Variants in NTM observed in about 807,000 individuals in gnomAD.
NTM encodes neurotrimin, also known as IgLON family member 2.
A neutral mutation model predicts 42.1 loss-of-function variants in NTM; 13 were observed. That is an observed-to-expected ratio of 0.31 (90% CI 0.20 to 0.49). The LOEUF is 0.49. Among genes scored for constraint, NTM ranks in the 20% least tolerant of loss-of-function variants. The pLI is 0.99. For missense variants in NTM, 373 were observed against 452.8 expected (o/e 0.82, Z 1.60); for synonymous variants, 187 against 179.2 (o/e 1.04, Z -0.35).
intron 1 of NTM, among the ~76,000 whole-genome samples, chr11:131,674,088 G>A (rs977834890): frequency 1.3e-5 from 2 of 152,236 alleles, no homozygotes; most frequent in African/African-American, 2.4e-5. Context: ...TACACACACA[G>A]CGTAGGGTGA....
intron 4 of NTM, among the ~76,000 whole-genome samples, chr11:132,278,423 C>G (rs1565369389): frequency 6.6e-6 from 1 of 152,160 alleles, no homozygotes; most frequent in Non-Finnish European, 1.5e-5. Flanking sequence ...CTCTGCTAAT[C>G]CGTCAGCCAG....
chr11:131,389,547 GAACGTGTAA>G (rs1253565702), intron 1 of NTM, among the ~76,000 whole-genome samples: 5 of 152,220 alleles, frequency 3.3e-5, no homozygotes, highest in African/African-American at 1.2e-4. Flanking sequence ...GCCTCGGGAA[GAACGTGTAA>G]AACTATTTCC....
chr11:131,904,764 A>T (rs957788694), intron 1 of NTM, among the ~76,000 whole-genome samples: 3 of 152,150 alleles, frequency 2.0e-5, no homozygotes, highest in Non-Finnish European at 1.5e-5. Context: ...CCAGGCTGGT[A>T]CTGAAAGAGA....
At chr11:131,543,929 C>T (rs998930587) in intron 1 of NTM, among the ~76,000 whole-genome samples, 1 of 152,234 alleles carries the variant, frequency 6.6e-6, no homozygotes, top group African/African-American at 2.4e-5. Context: ...TTACAGGCCA[C>T]AGCTCCTGCG....
intron 2 of NTM, among the ~76,000 whole-genome samples, chr11:132,031,933 T>G (rs1365761305): frequency 6.6e-6 from 1 of 152,068 alleles, no homozygotes; most frequent in Non-Finnish European, 1.5e-5. Context: ...CTCATTAATC[T>G]TTCTCCTTCT....
intron 2 of NTM, among the ~76,000 whole-genome samples, chr11:132,120,802 TG>T (rs2064679766): frequency 6.6e-6 from 1 of 152,158 alleles, no homozygotes; most frequent in Admixed American, 6.5e-5. Context: ...TGGAATCTAC[TG>T]TACAGTTTAT....
chr11:132,245,553 G>A (rs2090992562), intron 4 of NTM, among the ~76,000 whole-genome samples: 1 of 151,156 alleles, frequency 6.6e-6, no homozygotes, highest in African/African-American at 2.4e-5. Flanking sequence ...TGAGGAGAGA[G>A]CACGATGGAG....
chr11:132,296,662 G>C (rs2140069582), intron 4 of NTM, among the ~76,000 whole-genome samples: 1 of 152,222 alleles, frequency 6.6e-6, no homozygotes, highest in African/African-American at 2.4e-5. Context: ...CAAGACCCAG[G>C]TGTGTGTGTG....
chr11:131,739,538 C>T (rs773768739), intron 1 of NTM, among the ~76,000 whole-genome samples: 4 of 152,152 alleles, frequency 2.6e-5, no homozygotes, highest in African/African-American at 7.2e-5. Context: ...CCACACTGGC[C>T]GCCGTTGGCA....
At chr11:131,843,455 A>C (rs2044526120) in intron 1 of NTM, among the ~76,000 whole-genome samples, 1 of 151,302 alleles carries the variant, frequency 6.6e-6, no homozygotes, top group Admixed American at 6.6e-5. Flanking sequence ...AAATAGACAG[A>C]TAGACCACCC....
At chr11:132,102,405 C>CATA (rs1566164122) in intron 2 of NTM, among the ~76,000 whole-genome samples, 9 of 152,226 alleles carry the variant, frequency 5.9e-5, no homozygotes, top group Admixed American at 5.2e-4. Flanking sequence ...AGTCAGTGTG[C>CATA]CTGAAGAGCT....
intron 2 of NTM, among the ~76,000 whole-genome samples, chr11:131,921,852 G>A (rs1339652720): frequency 6.6e-6 from 1 of 151,920 alleles, no homozygotes; most frequent in Non-Finnish European, 1.5e-5. Context: ...TATCTTCTCA[G>A]TTATCTCGAC....
intron 2 of NTM, among the ~76,000 whole-genome samples, chr11:132,102,904 C>T (rs987670332): frequency 6.6e-6 from 1 of 152,202 alleles, no homozygotes; most frequent in Admixed American, 6.5e-5. Context: ...GGTGCTCGCA[C>T]ACATCAAATG....
At chr11:132,016,612 A>G (rs1368545179) in intron 2 of NTM, among the ~76,000 whole-genome samples, 1 of 151,968 alleles carries the variant, frequency 6.6e-6, no homozygotes, top group Non-Finnish European at 1.5e-5. Context: ...ACATTCACCT[A>G]CATGTCTTTA....
At chr11:131,879,262 T>C (rs2049087649) in intron 1 of NTM, among the ~76,000 whole-genome samples, 1 of 152,182 alleles carries the variant, frequency 6.6e-6, no homozygotes, top group Admixed American at 6.5e-5. Flanking sequence ...GGTGGAAACA[T>C]CACAGAAGTG....
chr11:132,301,184 T>C (rs2094838469), intron 4 of NTM, among the ~76,000 whole-genome samples: 1 of 152,200 alleles, frequency 6.6e-6, no homozygotes, highest in African/African-American at 2.4e-5. Flanking sequence ...AAACACGTCC[T>C]TCTTCACAAG....
chr11:131,876,553 C>G (rs561395003), intron 1 of NTM, among the ~76,000 whole-genome samples: 2 of 152,320 alleles, frequency 1.3e-5, no homozygotes, highest in African/African-American at 4.8e-5. Context: ...AGAAGAATAT[C>G]ATATGAGGCA....
chr11:131,535,878 T>G (rs1453909925), intron 1 of NTM: 1 of 152,216 alleles, frequency 6.6e-6, no homozygotes, highest in Non-Finnish European at 1.5e-5. Context: ...TGCTACTGAC[T>G]TACTGTGTTG....
chr11:132,194,469 A>G (rs192105734), intron 3 of NTM, among the ~76,000 whole-genome samples: 175 of 152,320 alleles, frequency 1.1e-3, no homozygotes, highest in African/African-American at 4.0e-3. Context: ...ACATGCCTCA[A>G]AATGATAAGA....
Sources: gnomAD v4.1 joint callset for allele counts (sites outside exome capture counted in the v4.1 genomes callset) on GRCh38, gnomAD v4.1.1 for gene constraint, MANE v1.5 for transcripts, NCBI Gene and HGNC (gene_info 2026-07-23, HGNC 2026-07-21) for gene names.